Variants in AMZ1 observed in about 807,000 individuals in gnomAD.
The protein encoded by AMZ1 is archaelysin family metallopeptidase 1.
Under a neutral mutation model 29.9 loss-of-function variants are expected in AMZ1, and 39 were observed. That is an observed-to-expected ratio of 1.30 (90% CI 1.01 to 1.70). AMZ1 has a LOEUF of 1.70. AMZ1 is among the 40% of genes most tolerant of loss of function. The probability of loss-of-function intolerance (pLI) is 0.00; values close to 1 mark genes in which losing one functional copy is unlikely to be tolerated. For synonymous variants in AMZ1, 458 were observed against 304.0 expected, an observed-to-expected ratio of 1.51 and a Z score of -5.27; for missense variants, 1,041 against 680.6, an observed-to-expected ratio of 1.53 and a Z score of -5.89.
At chr7:2,695,747 A>G (rs1323040593) in intron 1 of AMZ1, among the ~76,000 whole-genome samples, 2 of 152,080 alleles carry the variant, frequency 1.3e-5, no homozygotes, top group African/African-American at 4.8e-5. Flanking sequence ...GCAGTGGCTC[A>G]TGCCTATAAT....
chr7:2,687,193 G>A (rs756933719), upstream of AMZ1, among the ~76,000 whole-genome samples: 2 of 152,116 alleles, frequency 1.3e-5, no homozygotes, highest in Non-Finnish European at 2.9e-5. Flanking sequence ...TGGACACAAT[G>A]ATGGGTACCT....
upstream of AMZ1, among the ~76,000 whole-genome samples, chr7:2,683,572 G>A (rs112916819): frequency 4.9e-4 from 75 of 152,078 alleles, 1 homozygote; most frequent in African/African-American, 1.7e-3. Flanking sequence ...CGAGTAGCTG[G>A]GACTACAGGT....
chr7:2,685,855 GAAAA>G (rs10710624), upstream of AMZ1, among the ~76,000 whole-genome samples: 4 of 86,758 alleles, frequency 4.6e-5, no homozygotes, highest in Admixed American at 1.3e-4. Flanking sequence ...TCCGTCTCAA[GAAAA>G]AAAAAAAAAA....
chr7:2,711,239 G>A (rs1044505563), intron 6 of AMZ1, among the ~76,000 whole-genome samples: 1 of 152,204 alleles, frequency 6.6e-6, no homozygotes, highest in South Asian at 2.1e-4. Context: ...TGGTGTGGAT[G>A]TGAGGTCACC....
Position 2,709,699 on chromosome 7 carries a change from C to A in AMZ1, c.831C>A (p.Cys277Ter), listed in dbSNP as rs1788632723. 3.7e-6 allele frequency: 6 copies of A among 1,610,970 alleles called. No homozygotes were observed. Among genetic ancestry groups the A allele is most frequent in the Non-Finnish European group, 5.1e-6 (6 of 1,179,850 alleles). Residue 277 changes from cysteine (C) to a stop codon, truncating the protein, a stop_gained, in exon 6 of 7, where the codon TGC becomes TGA. Coordinates refer to ENST00000683327, the MANE Select transcript of AMZ1 (RefSeq NM_001384743.1). LOFTEE classifies it high-confidence loss of function. ...LGLGNCRWLR[C>*]LMQGALSLDE... ...TGGGGAACTGCCGCTGGCTCCGCTG[C>A]CTCATGCAGGGTGCGCTCAGCCTGG... is the stretch of plus-strand genomic sequence containing the variant.
chr7:2,711,067 G>T (rs899586548), intron 6 of AMZ1, among the ~76,000 whole-genome samples: 1 of 152,230 alleles, frequency 6.6e-6, no homozygotes, highest in African/African-American at 2.4e-5. Flanking sequence ...ACCTGGCATA[G>T]CCTGGATCCA....
At chr7:2,746,320 T>A (rs1263478642) in intron 4 of AMZ1, among the ~76,000 whole-genome samples, 1 of 152,152 alleles carries the variant, frequency 6.6e-6, no homozygotes, top group African/African-American at 2.4e-5. Context: ...TATAACAAAC[T>A]GTCTCTCAGA....
intron 4 of AMZ1, among the ~76,000 whole-genome samples, chr7:2,734,969 GCC>G (rs1321133327): frequency 2.0e-5 from 3 of 152,174 alleles, no homozygotes; most frequent in Admixed American, 6.5e-5. Context: ...TCCTCGCCAA[GCC>G]CCCGTGATGT....
upstream of AMZ1, among the ~76,000 whole-genome samples, chr7:2,685,830 G>A (rs1240842482): frequency 6.9e-6 from 1 of 144,136 alleles, no homozygotes; most frequent in East Asian, 2.1e-4. Context: ...TCCAGCCTGA[G>A]TGACAGAGCG....
At chr7:2,742,472 C>A (rs1306358826) in intron 4 of AMZ1, among the ~76,000 whole-genome samples, 1 of 152,164 alleles carries the variant, frequency 6.6e-6, no homozygotes, top group Non-Finnish European at 1.5e-5. Flanking sequence ...CAACAAGAGC[C>A]CTGCTCCTGT....
chr7:2,748,651 T>C lies in AMZ1; in HGVS notation n.551-16061T>C, dbSNP rs1431171033. 2.6e-5 allele frequency among the ~76,000 whole-genome samples: 4 copies of C among 152,072 alleles called. No individual in the cohort carries two copies. In the South Asian group the frequency reaches 8.3e-4, roughly 32 times the overall value. ...AAAGCAATGGCAACAAAAGCCAAAA[T>C]TGACAAATGGGATCTAATTAAACTA... On this transcript the variant is annotated intron_variant and non_coding_transcript_variant, in intron 4 of 4. Transcript: ENST00000489665.
chr7:2,737,278 T>TGTTTTG (rs1322016838), intron 4 of AMZ1, among the ~76,000 whole-genome samples: 10 of 71,594 alleles, frequency 1.4e-4, no homozygotes, highest in African/African-American at 5.7e-4. Flanking sequence ...TGTTTTGTTT[T>TGTTTTG]TTTTTTTTTT....
chr7:2,728,572 C>G (rs922999215), intron 4 of AMZ1: 1 of 152,532 alleles, frequency 6.6e-6, no homozygotes, highest in Non-Finnish European at 1.5e-5. Context: ...TTTTGAGGAA[C>G]TTTATTGTTA....
Position 2,744,031 on chromosome 7 carries a change from C to G in AMZ1, n.551-20681C>G, listed in dbSNP as rs185392728. 1.6e-3 allele frequency among the ~76,000 whole-genome samples: 242 copies of G among 152,360 alleles called. 1 individual carries two copies. Among genetic ancestry groups the G allele is most frequent in the African/African-American group, 5.1e-3 (213 of 41,594 alleles). On this transcript the variant is annotated intron_variant and non_coding_transcript_variant, in intron 4 of 4. Transcript: ENST00000489665. ...AAACAAAGCAGCCGGGAAGCTCAAA[C>G]TGGGTGGAGCCCACCACAGCTCAAG...
chr7:2,698,364 C>A (rs1433103744), intron 1 of AMZ1, among the ~76,000 whole-genome samples: 2 of 152,110 alleles, frequency 1.3e-5, no homozygotes, highest in Non-Finnish European at 2.9e-5. Context: ...ATGGTGAAAC[C>A]CTGTTTCTAC....
At chr7:2,743,577 G>C (rs1050771127) in intron 4 of AMZ1, among the ~76,000 whole-genome samples, 3 of 152,178 alleles carry the variant, frequency 2.0e-5, no homozygotes, top group Non-Finnish European at 4.4e-5. Context: ...TGGCCGAATA[G>C]GAACAGCTCC....
At chr7:2,685,384 C>T (rs778302452), upstream of AMZ1, among the ~76,000 whole-genome samples, 2 of 151,178 alleles carry the variant, frequency 1.3e-5, no homozygotes, top group Non-Finnish European at 2.9e-5. Context: ...AGGGTGAAGC[C>T]CTGTCCTTCC....
rs60942670 is a variant in AMZ1 at position 2,726,035 on chromosome 7, A to T, written n.550+16219A>T. On this transcript the variant is annotated intron_variant and non_coding_transcript_variant, in intron 4 of 4. Transcript: ENST00000489665. Reference sequence around the variant, plus strand: ...ATCTCTCCCCGGGGCTGCTGTGCAAATTAAGCAAGTCTTAAAGTGGCCTGT... The same window carrying T: ...ATCTCTCCCCGGGGCTGCTGTGCAATTTAAGCAAGTCTTAAAGTGGCCTGT... 1.0e-3 allele frequency among the ~76,000 whole-genome samples: 158 copies of T among 152,312 alleles called. 1 individual carries two copies. Among genetic ancestry groups the T allele is most frequent in the African/African-American group, 3.7e-3 (155 of 41,572 alleles).
At chr7:2,734,309 G>A (rs900610691) in intron 4 of AMZ1, among the ~76,000 whole-genome samples, 17 of 152,268 alleles carry the variant, frequency 1.1e-4, no homozygotes, top group African/African-American at 3.4e-4. Context: ...CAAAGGTAGC[G>A]TATTAAAAAC....
Sources: allele counts gnomAD v4.1 joint callset (sites outside exome capture counted in the v4.1 genomes callset), GRCh38; gene constraint gnomAD v4.1.1; transcripts MANE v1.5; gene names NCBI Gene and HGNC (gene_info 2026-07-23, HGNC 2026-07-21).